Variants in SPMIP7 observed in about 807,000 individuals in gnomAD.
The protein encoded by SPMIP7 is sperm microtubule inner protein 7, also known as protein SPMIP7.
At chr7:50,124,571 C>A in the SPMIP7 span, among the ~76,000 whole-genome samples, 1 of 152,048 alleles carries the variant, frequency 6.6e-6, no homozygotes, top group East Asian at 1.9e-4. Context: ...AAATCAATGA[C>A]CATAAGACAT....
At chr7:50,140,082 T>C in the SPMIP7 span, 1 of 1,127,930 alleles carries the variant, frequency 8.9e-7, no homozygotes, top group Non-Finnish European at 1.2e-6. Context: ...ACTGTAATAA[T>C]TTGATGTTTA....
At chr7:50,141,652 C>G in the SPMIP7 span, 4 of 351,940 alleles carry the variant, frequency 1.1e-5, no homozygotes, top group Non-Finnish European at 2.2e-5. Context: ...TGCCACCAAG[C>G]AAGGTGATCG....
chr7:50,149,425 G>C, the SPMIP7 span, among the ~76,000 whole-genome samples: 1 of 152,168 alleles, frequency 6.6e-6, no homozygotes, highest in African/African-American at 2.4e-5. Flanking sequence ...TCCCCAGAGT[G>C]CCCCTAAGAG....
chr7:50,139,349 C>CA, the SPMIP7 span, among the ~76,000 whole-genome samples: 1,230 of 96,284 alleles, frequency 0.013, 22 homozygotes, highest in African/African-American at 0.04. Flanking sequence ...GGCACCATCT[C>CA]AAAAAAAAAA....
chr7:50,119,317 A>T, the SPMIP7 span, among the ~76,000 whole-genome samples: 1 of 152,230 alleles, frequency 6.6e-6, no homozygotes, highest in Admixed American at 6.5e-5. Flanking sequence ...CCAGAAGCAG[A>T]TGCCATCCTA....
chr7:50,140,175 T>C, the SPMIP7 span: 9 of 1,499,282 alleles, frequency 6.0e-6, no homozygotes, highest in African/African-American at 1.3e-4. Context: ...TATATTCCTC[T>C]CTATACGTAA....
At chr7:50,101,269 T>G in the SPMIP7 span, among the ~76,000 whole-genome samples, 1 of 152,360 alleles carries the variant, frequency 6.6e-6, no homozygotes, top group East Asian at 1.9e-4. Context: ...GAGTCTTATC[T>G]GGGATCTCAG....
At chr7:50,157,338 GAGA>G in the SPMIP7 span, among the ~76,000 whole-genome samples, 1 of 152,128 alleles carries the variant, frequency 6.6e-6, no homozygotes, top group African/African-American at 2.4e-5. Context: ...GTTAGAGGTG[GAGA>G]AGAAGGGATG....
At chr7:50,122,582 A>G in the SPMIP7 span, among the ~76,000 whole-genome samples, 1 of 150,798 alleles carries the variant, frequency 6.6e-6, no homozygotes, top group Non-Finnish European at 1.5e-5. Flanking sequence ...TAATTAAACT[A>G]AAGAGCTTCT....
the SPMIP7 span, among the ~76,000 whole-genome samples, chr7:50,108,246 A>G: frequency 6.6e-6 from 1 of 152,248 alleles, no homozygotes; most frequent in Non-Finnish European, 1.5e-5. Flanking sequence ...CATGTAGAAG[A>G]CAGCAATAGA....
chr7:50,153,417 G>A, the SPMIP7 span, among the ~76,000 whole-genome samples: 349 of 152,334 alleles, frequency 2.3e-3, 2 homozygotes, highest in African/African-American at 8.1e-3. Context: ...CCATTTGCTG[G>A]TGGATTCACA....
At chr7:50,135,513 G>A in the SPMIP7 span, among the ~76,000 whole-genome samples, 3 of 152,178 alleles carry the variant, frequency 2.0e-5, no homozygotes, top group East Asian at 1.9e-4. Context: ...TTAATATAAA[G>A]ACTCAAACCT....
chr7:50,156,391 T>G, the SPMIP7 span, among the ~76,000 whole-genome samples: 10 of 152,070 alleles, frequency 6.6e-5, no homozygotes, highest in Admixed American at 4.6e-4. Context: ...AGAAGTCATC[T>G]TCACACGGGC....
At chr7:50,121,479 T>C in the SPMIP7 span, 1 of 152,164 alleles carries the variant, frequency 6.6e-6, no homozygotes, top group South Asian at 2.1e-4. Context: ...AACACAGAAC[T>C]GTAACCATGT....
At chr7:50,125,133 CACACACACAT>C in the SPMIP7 span, among the ~76,000 whole-genome samples, 33,899 of 100,320 alleles carry the variant, frequency 0.34, 9,104 homozygotes, top group East Asian at 0.48. Flanking sequence ...CACACACACA[CACACACACAT>C]ATACACACAT....
chr7:50,157,066 T>C, the SPMIP7 span, among the ~76,000 whole-genome samples: 1 of 152,218 alleles, frequency 6.6e-6, no homozygotes, highest in African/African-American at 2.4e-5. Context: ...GAGAGGCCAT[T>C]GGATCCGCTT....
the SPMIP7 span, among the ~76,000 whole-genome samples, chr7:50,125,201 TATAC>T: frequency 5.4e-5 from 4 of 74,478 alleles, no homozygotes; most frequent in Admixed American, 5.9e-4. Flanking sequence ...TACACATATA[TATAC>T]ACATATATAT....
the SPMIP7 span, among the ~76,000 whole-genome samples, chr7:50,152,541 C>T: frequency 4.6e-5 from 7 of 152,200 alleles, no homozygotes; most frequent in African/African-American, 1.7e-4. Context: ...GTTGTTGGCC[C>T]AGTGCAGATG....
chr7:50,097,015 A>G, the SPMIP7 span, among the ~76,000 whole-genome samples: 7 of 152,246 alleles, frequency 4.6e-5, no homozygotes, highest in Non-Finnish European at 8.8e-5. Context: ...TGAAAGAGTT[A>G]GTTTTAAGGA....
Sources: gnomAD v4.1 joint callset for allele counts (sites outside exome capture counted in the v4.1 genomes callset) on GRCh38, gnomAD v4.1.1 for gene constraint, MANE v1.5 for transcripts, NCBI Gene and HGNC (gene_info 2026-07-23, HGNC 2026-07-21) for gene names.